The following STRA6 variants were observed in gnomAD, a reference collection of about 807,000 sequenced individuals.
The protein encoded by STRA6 is signaling receptor and transporter of retinol STRA6, also known as receptor for retinol uptake STRA6.
STRA6 carries 48 observed loss-of-function variants against 83.6 expected under a neutral mutation model. The ratio of observed to expected loss-of-function variants is 0.57; its 90% CI spans 0.46 to 0.73. The LOEUF (loss-of-function observed/expected upper bound fraction) is 0.73, where lower values mean the gene tolerates loss of function less well. STRA6 is among the 30% of genes least tolerant of loss of function. STRA6 has a pLI of 0.00. For missense variants in STRA6, 760 were observed against 838.8 expected, an observed-to-expected ratio of 0.91 and a Z score of 1.16; for synonymous variants, 353 against 362.3, an observed-to-expected ratio of 0.97 and a Z score of 0.29.
chr15:74,202,815 T>A, upstream of STRA6: 1 of 1,094,846 alleles, frequency 9.1e-7, no homozygotes. Context: ...TGGGCTCCCT[T>A]GAGCCCCTCC....
At chr15:74,198,729 G>A (rs2073931439) in intron 2 of STRA6, among the ~76,000 whole-genome samples, 1 of 152,284 alleles carries the variant, frequency 6.6e-6, no homozygotes, top group Admixed American at 6.5e-5. Flanking sequence ...AGGCCACCCT[G>A]CTCACCAAAC....
chr15:74,194,479 C>T, intron 7 of STRA6: 1 of 654,476 alleles, frequency 1.5e-6, no homozygotes, highest in Non-Finnish European at 2.0e-6. Context: ...CTCAAAGCAA[C>T]CTCTTAGTCT....
At chr15:74,195,067 C>A (rs975349643) in intron 7 of STRA6, 17 of 1,447,562 alleles carry the variant, frequency 1.2e-5, no homozygotes, top group African/African-American at 7.1e-5. Flanking sequence ...TTCCCCTTCT[C>A]CGCCACCTCC....
chr15:74,184,079 A>G (rs1035499810), intron 13 of STRA6, 90 bp from the exon 14 acceptor site: 5 of 1,569,318 alleles, frequency 3.2e-6, no homozygotes, highest in Middle Eastern at 1.7e-4. Context: ...CAAACTCCCA[A>G]TAGAATTTCA....
At position 74,202,728 on chromosome 15, in the gene STRA6, G is replaced by T; in HGVS notation, c.-31C>A. 1 of 1,249,130 alleles carries T rather than the reference G, an allele frequency of 8.0e-7. No homozygotes were observed. Among genetic ancestry groups the T allele is most frequent in the East Asian group, 3.2e-5 (1 of 31,298 alleles). The allele number at this position is 1,249,130 out of a possible 1,614,324, so 77.4% of individuals were successfully genotyped here. ...ACAGACACACCAGAAGGGAGGCCCAGGGAGGAAGGAGTTGCAGAGATGAAA... is the reference window on the plus strand; with the variant it reads ...ACAGACACACCAGAAGGGAGGCCCATGGAGGAAGGAGTTGCAGAGATGAAA... On this transcript the variant is annotated 5_prime_UTR_variant, in exon 1 of 19. In the 5' UTR this introduces an upstream ATG that the reference lacks. Transcript: ENST00000395105.
In STRA6 at chr15:74,194,676, G is replaced by A. The variant is rs2073726074; in HGVS notation, c.597+626C>T. On this transcript the variant is annotated intron_variant, in intron 7 of 18. Coordinates refer to ENST00000395105, the MANE Select transcript of STRA6 (RefSeq NM_022369.4). ...GGGACTGTTTGTCTTGTTCATAGCT[G>A]TAGTCCAGTGCCTGGAAATGTCCCT... is the stretch of plus-strand genomic sequence containing the variant. The A allele has an allele frequency of 6.4e-6, 6 of 935,954 alleles. No homozygotes were observed. The East Asian group carries it at 1.3e-4, about 20-fold the overall frequency. 58.0% of individuals were successfully genotyped at this position (935,954 alleles called of 1,614,324 possible).
At chr15:74,207,774 G>A (rs1278401560), upstream of STRA6, 2 of 1,535,694 alleles carry the variant, frequency 1.3e-6, no homozygotes, top group African/African-American at 1.4e-5. Context: ...GTGAGCTTGG[G>A]GTGTGCCCTC....
At chr15:74,199,172 C>T (rs1039816399) in intron 2 of STRA6, among the ~76,000 whole-genome samples, 5 of 152,240 alleles carry the variant, frequency 3.3e-5, no homozygotes, top group African/African-American at 1.2e-4. Context: ...ACGCCCTCCA[C>T]TGTATGAAGA....
intron 11 of STRA6, 36 bp from the exon 12 acceptor site, chr15:74,189,313 A>G: frequency 6.4e-7 from 1 of 1,564,048 alleles, no homozygotes. Context: ...CCATCCCAGG[A>G]AAGGGTTTTC....
intron 8 of STRA6, chr15:74,191,742 CT>C (rs1158942607): frequency 1.5e-5 from 9 of 582,368 alleles, no homozygotes; most frequent in Non-Finnish European, 2.8e-5. Context: ...GAAGTTCTTC[CT>C]AAGATCTGTC....
chr15:74,185,049 T>C lies in STRA6; in HGVS notation c.1097A>G (p.Tyr366Cys), dbSNP rs1185975584. The C allele has an allele frequency of 6.2e-6, 10 of 1,613,898 alleles. No individual in the cohort carries two copies. The highest frequency in any genetic ancestry group is 8.5e-6 in the Non-Finnish European group (10 of 1,179,918). ...KHHLWALEVCYISALVLSCLL... is the reference protein window; with the variant it reads ...KHHLWALEVCCISALVLSCLL... ...GCAGGACAAGACCAAGGCTGAGATG[T>C]AGCACACTGGTGGGCAGAGAATGAG... Residue 366 changes from tyrosine to cysteine, a missense_variant, in exon 13 of 19, where the codon TAC (tyrosine) becomes TGC (cysteine). By Grantham distance (194) the Tyr-to-Cys change is radical. Coordinates refer to ENST00000395105, the MANE Select transcript of STRA6 (RefSeq NM_022369.4).
upstream of STRA6, among the ~76,000 whole-genome samples, chr15:74,207,373 G>A (rs552269065): frequency 1.3e-5 from 2 of 152,206 alleles, no homozygotes; most frequent in East Asian, 3.9e-4. Context: ...TGCAACCTCA[G>A]TATTGCCCCC....
At chr15:74,189,545 T>C (rs2073428500) in intron 11 of STRA6, among the ~76,000 whole-genome samples, 1 of 152,078 alleles carries the variant, frequency 6.6e-6, no homozygotes, top group African/African-American at 2.4e-5. Context: ...GGGTTCCACA[T>C]CCACAACCAA....
At chr15:74,196,405 G>A in intron 4 of STRA6, 1 of 509,934 alleles carries the variant, frequency 2.0e-6, no homozygotes, top group South Asian at 2.1e-5. Flanking sequence ...CGCCCACCCT[G>A]GAAGCTCCAG....
chr15:74,193,601 C>T (rs1173333210), intron 8 of STRA6, among the ~76,000 whole-genome samples, 199 bp downstream of exon 8: 3 of 152,190 alleles, frequency 2.0e-5, no homozygotes, highest in African/African-American at 7.2e-5. Context: ...CCGCGGGTAT[C>T]CTGGGTGCCA....
upstream of STRA6, among the ~76,000 whole-genome samples, chr15:74,210,370 C>T (rs1469516232): frequency 1.3e-5 from 2 of 152,198 alleles, no homozygotes; most frequent in Non-Finnish European, 2.9e-5. Flanking sequence ...ATTCTCTGGA[C>T]TGACGTGGCA....
chr15:74,201,730 AACTTGAC>A (rs2074076933), intron 2 of STRA6, among the ~76,000 whole-genome samples: 1 of 151,934 alleles, frequency 6.6e-6, no homozygotes, highest in African/African-American at 2.4e-5. Context: ...CTGCCCAGAG[AACTTGAC>A]ACTTGGAAAC....
At chr15:74,202,053 C>T in intron 2 of STRA6, 102 bp downstream of exon 2, 3 of 1,306,128 alleles carry the variant, frequency 2.3e-6, no homozygotes, top group South Asian at 2.6e-5. Context: ...AGAGCCAGAC[C>T]TAGCAGCCCC....
At chr15:74,208,402 G>A (rs898003187) in intron 1 of STRA6, among the ~76,000 whole-genome samples, 2 of 152,114 alleles carry the variant, frequency 1.3e-5, no homozygotes, top group African/African-American at 2.4e-5. Flanking sequence ...CCGTGGTGTG[G>A]CCTTGAGATG....
Sources: allele counts gnomAD v4.1 joint callset (sites outside exome capture counted in the v4.1 genomes callset), GRCh38; gene constraint gnomAD v4.1.1; transcripts MANE v1.5; gene names NCBI Gene and HGNC (gene_info 2026-07-23, HGNC 2026-07-21).